ST7: variants seen among roughly 807,000 people sequenced by gnomAD.
ST7 encodes suppression of tumorigenicity 7.
ST7 carries 28 observed loss-of-function variants against 78.7 expected under a neutral mutation model. That is an observed-to-expected ratio of 0.36 (90% confidence interval 0.26 to 0.49). The LOEUF (loss-of-function observed/expected upper bound fraction) is 0.49, where lower values mean the gene tolerates loss of function less well. Ranked by LOEUF, ST7 falls within the 20% of genes least tolerant of loss-of-function variation. The pLI, the probability that ST7 is intolerant of heterozygous loss-of-function variation, is 0.99. For synonymous variants in ST7, 247 were observed against 249.6 expected, an observed-to-expected ratio of 0.99 and a Z score of 0.10; for missense variants, 418 against 696.0, an observed-to-expected ratio of 0.60 and a Z score of 4.49.
At chr7:117,202,729 T>C (rs1256990017) in intron 12 of ST7, among the ~76,000 whole-genome samples, 1 of 152,200 alleles carries the variant, frequency 6.6e-6, no homozygotes, top group Non-Finnish European at 1.5e-5. Flanking sequence ...CACAACTCAC[T>C]TCCCAATTGC....
chr7:116,996,357 G>C (rs994048345), intron 1 of ST7, among the ~76,000 whole-genome samples: 1 of 152,108 alleles, frequency 6.6e-6, no homozygotes, highest in African/African-American at 2.4e-5. Context: ...GATTACAGGC[G>C]TGAGCCACTA....
chr7:117,018,237 C>G, intron 1 of ST7, among the ~76,000 whole-genome samples: 1 of 152,142 alleles, frequency 6.6e-6, no homozygotes, highest in East Asian at 1.9e-4. Context: ...ATTTGAGTGA[C>G]TATTTATGTG....
chr7:116,965,417 G>A, intron 1 of ST7, among the ~76,000 whole-genome samples: 1 of 151,916 alleles, frequency 6.6e-6, no homozygotes, highest in Non-Finnish European at 1.5e-5. Flanking sequence ...AGGGTGGGGG[G>A]CAAGGGGAGG....
chr7:116,982,857 G>A lies in ST7; in HGVS notation c.151+29166G>A, dbSNP rs760522564. Among the ~76,000 whole-genome samples, 3 of 152,084 alleles carry A rather than the reference G, an allele frequency of 2.0e-5. No homozygotes were observed. The East Asian group carries it at 5.8e-4, about 29-fold the overall frequency. ...CTCAGGGGAGAGTAAGGGAATATATGTATATATTCATATATAGATCTATGC... is the reference window on the plus strand; with the variant it reads ...CTCAGGGGAGAGTAAGGGAATATATATATATATTCATATATAGATCTATGC... On this transcript the variant is annotated intron_variant, in intron 1 of 15. Transcript: ENST00000323984.
At chr7:117,215,664 T>G (rs759090716) in intron 13 of ST7, among the ~76,000 whole-genome samples, 3 of 152,214 alleles carry the variant, frequency 2.0e-5, no homozygotes, top group Admixed American at 6.5e-5. Flanking sequence ...AGATGCCACT[T>G]TGGCCGCTTC....
intron 1 of ST7, among the ~76,000 whole-genome samples, chr7:117,016,739 G>T (rs1344955123): frequency 6.6e-6 from 1 of 152,074 alleles, no homozygotes; most frequent in Non-Finnish European, 1.5e-5. Context: ...TGTCTGATGT[G>T]GTGAGAAGCC....
At chr7:116,999,684 A>C (rs1193333919) in intron 1 of ST7, among the ~76,000 whole-genome samples, 2 of 152,026 alleles carry the variant, frequency 1.3e-5, no homozygotes, top group Non-Finnish European at 2.9e-5. Context: ...TATCAACATT[A>C]TCTTTTAGGA....
rs1283780936 is a variant in ST7 at position 117,126,024 on chromosome 7, G to A, written c.395-3769G>A. ...GGTGTAATATATACCCCTAACTAAT[G>A]TATGTAAGGAATGTAGATAAATCGA... On this transcript the variant is annotated intron_variant, in intron 3 of 15. Transcript: ENST00000323984. Among the ~76,000 whole-genome samples the A allele has an allele frequency of 5.9e-5, 9 of 152,052 alleles. No homozygotes were observed. In the South Asian group the frequency reaches 1.2e-3, roughly 21 times the overall value.
chr7:117,052,276 T>C (rs934145401), intron 1 of ST7, among the ~76,000 whole-genome samples: 1 of 152,236 alleles, frequency 6.6e-6, no homozygotes, highest in Admixed American at 6.5e-5. Flanking sequence ...AGAAAGATTA[T>C]CTTTCCTCCA....
chr7:117,099,340 C>T (rs938100671), intron 1 of ST7, among the ~76,000 whole-genome samples: 1 of 152,042 alleles, frequency 6.6e-6, no homozygotes, highest in South Asian at 2.1e-4. Flanking sequence ...TAGCTATTTT[C>T]AGTTTATTCT....
intron 1 of ST7, among the ~76,000 whole-genome samples, chr7:116,977,141 T>C (rs1461662086): frequency 6.6e-6 from 1 of 152,254 alleles, no homozygotes; most frequent in Non-Finnish European, 1.5e-5. Flanking sequence ...ACCATTAAAA[T>C]GTCTAGACTC....
intron 1 of ST7, among the ~76,000 whole-genome samples, chr7:117,011,513 T>C (rs1382023856): frequency 6.6e-6 from 1 of 152,202 alleles, no homozygotes; most frequent in Non-Finnish European, 1.5e-5. Flanking sequence ...AAGGAACAGA[T>C]ACATACAGGG....
intron 10 of ST7, among the ~76,000 whole-genome samples, chr7:117,175,369 G>A (rs1337187080): frequency 6.6e-6 from 1 of 152,228 alleles, no homozygotes; most frequent in Non-Finnish European, 1.5e-5. Flanking sequence ...AAAGATTAGG[G>A]TGGGAGTGTG....
chr7:116,956,274 G>A (rs1001187089), intron 1 of ST7: 19 of 329,202 alleles, frequency 5.8e-5, no homozygotes, highest in Middle Eastern at 7.2e-4. Context: ...AAAAGTTTCT[G>A]TACTGAAGTT....
At chr7:117,022,642 C>A (rs961809811) in intron 1 of ST7, among the ~76,000 whole-genome samples, 2 of 152,192 alleles carry the variant, frequency 1.3e-5, no homozygotes, top group Admixed American at 1.3e-4. Context: ...CCCAAACCAT[C>A]TAGGGTGTTC....
intron 1 of ST7, chr7:116,955,044 A>G: frequency 4.4e-6 from 2 of 453,546 alleles, no homozygotes; most frequent in Non-Finnish European, 9.0e-6. Flanking sequence ...CCATTTGAAT[A>G]GGTGCTGCTC....
At chr7:117,086,013 C>G (rs1005193807) in intron 1 of ST7, among the ~76,000 whole-genome samples, 4 of 152,112 alleles carry the variant, frequency 2.6e-5, no homozygotes, top group Non-Finnish European at 5.9e-5. Flanking sequence ...CTTCCCTCCT[C>G]TCCCCTCCCC....
intron 10 of ST7, among the ~76,000 whole-genome samples, chr7:117,186,274 G>A (rs2117362136): frequency 6.6e-6 from 1 of 152,260 alleles, no homozygotes; most frequent in South Asian, 2.1e-4. Context: ...CAAATTGCCA[G>A]CATCACTACT....
intron 15 of ST7, 106 bp downstream of exon 15, chr7:117,222,168 C>T: frequency 8.0e-7 from 1 of 1,257,240 alleles, no homozygotes; most frequent in African/African-American, 1.5e-5. Context: ...GGGTACGAGC[C>T]TGCAAAGATC....
Sources: gnomAD v4.1 joint callset for allele counts (sites outside exome capture counted in the v4.1 genomes callset) on GRCh38, gnomAD v4.1.1 for gene constraint, MANE v1.5 for transcripts, NCBI Gene and HGNC (gene_info 2026-07-23, HGNC 2026-07-21) for gene names.